Variants in ZNF385D observed in about 807,000 individuals in gnomAD.
ZNF385D encodes zinc finger protein 385D.
A neutral mutation model predicts 35.8 loss-of-function variants in ZNF385D; 15 were observed. The ratio of observed to expected loss-of-function variants is 0.42; its 90% CI spans 0.28 to 0.64. ZNF385D has a LOEUF of 0.64. Ranked by LOEUF, ZNF385D falls within the 30% of genes least tolerant of loss-of-function variation. The pLI is 0.23. For missense variants in ZNF385D, 474 were observed against 494.6 expected (o/e 0.96, Z 0.39); for synonymous variants, 212 against 186.8 (o/e 1.13, Z -1.10).
At chr3:21,657,665 T>A (rs1402443726) in intron 2 of ZNF385D, among the ~76,000 whole-genome samples, 1 of 151,714 alleles carries the variant, frequency 6.6e-6, no homozygotes, top group African/African-American at 2.4e-5. Context: ...AAGTTTCCAC[T>A]TATCTACCGC....
At chr3:21,737,698 T>C (rs2069313511) in intron 1 of ZNF385D, among the ~76,000 whole-genome samples, 1 of 152,216 alleles carries the variant, frequency 6.6e-6, no homozygotes, top group Non-Finnish European at 1.5e-5. Flanking sequence ...ATTGAACATA[T>C]TCAAAGAGTA....
At chr3:21,864,990 C>CTTTTTTTTTTTTTTTT (rs3073906) in intron 3 of ZNF385D, among the ~76,000 whole-genome samples, 2 of 112,178 alleles carry the variant, frequency 1.8e-5, no homozygotes, top group African/African-American at 7.1e-5. Context: ...TGGAACAATG[C>CTTTTTTTTTTTTTTTT]TTTTTTTTTT....
chr3:22,021,340 G>A (rs144102409), intron 3 of ZNF385D, among the ~76,000 whole-genome samples: 3,302 of 152,044 alleles, frequency 0.022, 57 homozygotes, highest in Non-Finnish European at 0.033. Flanking sequence ...GGGAGTCAGT[G>A]TCAGCAAAAA....
chr3:21,703,159 G>A (rs9850183), intron 1 of ZNF385D, among the ~76,000 whole-genome samples: 41,738 of 152,000 alleles, frequency 0.27, 5,963 homozygotes, highest in East Asian at 0.42. Context: ...TTGGACTTAT[G>A]GTTCCACATG....
In ZNF385D at chr3:21,980,855, T is replaced by C. The variant is rs114942691; in HGVS notation, c.325+187962A>G. Among the ~76,000 whole-genome samples the C allele has an allele frequency of 3.2e-3, 490 of 152,314 alleles. 2 individuals carry two copies. The highest frequency in any genetic ancestry group is 0.011 in the African/African-American group (462 of 41,586). ...TCTTGAGTTAGTTTGCTAAGGATAATAGCCTCCAGTTCCATCTATATTCCT... is the reference window on the plus strand; with the variant it reads ...TCTTGAGTTAGTTTGCTAAGGATAACAGCCTCCAGTTCCATCTATATTCCT... On this transcript the variant is annotated intron_variant, in intron 3 of 5. Transcript: ENST00000494108.
At chr3:21,887,687 C>T (rs1306812781) in intron 3 of ZNF385D, among the ~76,000 whole-genome samples, 1 of 152,020 alleles carries the variant, frequency 6.6e-6, no homozygotes, top group South Asian at 2.1e-4. Context: ...TAGGCCACAT[C>T]TAACAGAAAA....
intron 2 of ZNF385D, among the ~76,000 whole-genome samples, chr3:22,253,979 A>G (rs759417960): frequency 2.0e-4 from 31 of 152,016 alleles, no homozygotes; most frequent in Non-Finnish European, 3.8e-4. Flanking sequence ...CTTTTCCAAG[A>G]AAGAAATGAT....
chr3:22,280,243 T>C (rs975308589), intron 2 of ZNF385D, among the ~76,000 whole-genome samples: 1 of 152,116 alleles, frequency 6.6e-6, no homozygotes, highest in Non-Finnish European at 1.5e-5. Flanking sequence ...ACTCTGTTGA[T>C]TGTTTCTTCT....
rs1700547473 is a variant in ZNF385D at position 21,415,345 on chromosome 3, G to T, written c.*5869C>A. On this transcript the variant is annotated 3_prime_UTR_variant, in exon 8 of 8. Transcript: ENST00000281523. Reference sequence around the variant, plus strand: ...GTAGCTGATGTGAAATGATACAATTGTATGACCCAACTCAAACTGTTAGCA... The same window carrying T: ...GTAGCTGATGTGAAATGATACAATTTTATGACCCAACTCAAACTGTTAGCA... The T allele has an allele frequency of 6.6e-6, 1 of 152,086 alleles. No individual in the cohort carries two copies. Among genetic ancestry groups the T allele is most frequent in the Non-Finnish European group, 1.5e-5 (1 of 68,024 alleles). 9.4% of individuals were successfully genotyped at this position (152,086 alleles called of 1,614,324 possible).
intron 2 of ZNF385D, among the ~76,000 whole-genome samples, chr3:22,272,248 T>A (rs1398044302): frequency 6.6e-6 from 1 of 152,078 alleles, no homozygotes; most frequent in Non-Finnish European, 1.5e-5. Flanking sequence ...AATGCATTTT[T>A]AACTTGCAAT....
intron 3 of ZNF385D, among the ~76,000 whole-genome samples, chr3:21,862,248 A>G (rs1404622066): frequency 6.6e-6 from 1 of 151,928 alleles, no homozygotes; most frequent in Non-Finnish European, 1.5e-5. Flanking sequence ...CCTACTACAG[A>G]AGCATCATTG....
chr3:21,755,598 T>C (rs1194216366), upstream of ZNF385D, among the ~76,000 whole-genome samples: 1 of 152,232 alleles, frequency 6.6e-6, no homozygotes, highest in African/African-American at 2.4e-5. Context: ...AGGTGTTGTT[T>C]GTATTCTTTT....
chr3:21,602,016 G>A (rs527964339), intron 2 of ZNF385D, among the ~76,000 whole-genome samples: 1 of 152,304 alleles, frequency 6.6e-6, no homozygotes, highest in Non-Finnish European at 1.5e-5. Context: ...AAAGAAAAAG[G>A]TGTAATTGAC....
In ZNF385D at chr3:21,425,609, A is replaced by G. The variant is rs1700982718; in HGVS notation, c.735T>C (p.Pro245=). The G allele has an allele frequency of 1.9e-6, 3 of 1,605,790 alleles. No individual in the cohort carries two copies. In the South Asian group the frequency reaches 3.3e-5, roughly 18 times the overall value. ...RNGSGTIKAF[P]RAGVKGKGPV... ...GTCCTTTGCCTTTCACTCCTGCCCT[A>G]GGAAAGGCTTTGATAGTGCCACTTC... Residue 245 remains proline (P), a synonymous_variant, in exon 6 of 8, where the codon CCT becomes CCC. Transcript: ENST00000281523.
chr3:21,863,270 T>C (rs1284255910), intron 3 of ZNF385D, among the ~76,000 whole-genome samples: 1 of 152,178 alleles, frequency 6.6e-6, no homozygotes, highest in African/African-American at 2.4e-5. Flanking sequence ...GTCTCATTCG[T>C]TTAAATTTTA....
At chr3:21,521,853 G>A (rs879304181) in intron 3 of ZNF385D, among the ~76,000 whole-genome samples, 1 of 152,132 alleles carries the variant, frequency 6.6e-6, no homozygotes, top group Non-Finnish European at 1.5e-5. Context: ...TTGCAGAGGG[G>A]TTAATCTTCC....
intron 2 of ZNF385D, among the ~76,000 whole-genome samples, chr3:22,227,186 CG>C (rs142385853): frequency 6.6e-5 from 10 of 150,488 alleles, no homozygotes; most frequent in South Asian, 4.2e-4. Flanking sequence ...GTATGTGGGG[CG>C]GGGGGGGTGT....
intron 3 of ZNF385D, among the ~76,000 whole-genome samples, chr3:22,073,853 C>G (rs1219182044): frequency 6.6e-6 from 1 of 151,944 alleles, no homozygotes; most frequent in East Asian, 1.9e-4. Flanking sequence ...GAAGCATTTT[C>G]TCTTTTATAA....
chr3:21,754,089 C>G (rs2070231025), upstream of ZNF385D, among the ~76,000 whole-genome samples: 2 of 152,344 alleles, frequency 1.3e-5, no homozygotes, highest in Non-Finnish European at 2.9e-5. Context: ...CATTCATCCA[C>G]TAGTGGAAAC....
Sources: gnomAD v4.1 joint callset for allele counts (sites outside exome capture counted in the v4.1 genomes callset) on GRCh38, gnomAD v4.1.1 for gene constraint, MANE v1.5 for transcripts, NCBI Gene and HGNC (gene_info 2026-07-23, HGNC 2026-07-21) for gene names.